GRID2: variants seen among roughly 807,000 people sequenced by gnomAD.
GRID2 encodes the protein glutamate receptor ionotropic, delta-2.
Under a neutral mutation model 114.8 loss-of-function variants are expected in GRID2, and 33 were observed. The ratio of observed to expected loss-of-function variants is 0.29; its 90% CI spans 0.22 to 0.38. The LOEUF is 0.38. GRID2 is among the 10% of genes least tolerant of loss of function. The pLI is 1.00. For synonymous variants in GRID2, 505 were observed against 449.9 expected, an observed-to-expected ratio of 1.12 and a Z score of -1.55; for missense variants, 1,184 against 1,257.7, an observed-to-expected ratio of 0.94 and a Z score of 0.89.
At chr4:92,405,390 A>G (rs1027268754) in intron 1 of GRID2, among the ~76,000 whole-genome samples, 6 of 152,172 alleles carry the variant, frequency 3.9e-5, no homozygotes, top group African/African-American at 1.4e-4. Context: ...CTGACATTCT[A>G]TTAGCGGGGA....
chr4:92,867,205 A>G (rs1465292517), intron 2 of GRID2, among the ~76,000 whole-genome samples: 1 of 152,180 alleles, frequency 6.6e-6, no homozygotes, highest in Non-Finnish European at 1.5e-5. Flanking sequence ...GCGCTGCAAT[A>G]ATTTATCCCA....
intron 14 of GRID2, among the ~76,000 whole-genome samples, chr4:93,766,388 T>A (rs1733675926): frequency 6.6e-6 from 1 of 152,146 alleles, no homozygotes; most frequent in African/African-American, 2.4e-5. Context: ...AAGCCCCTTA[T>A]AAAACCATCA....
intron 2 of GRID2, among the ~76,000 whole-genome samples, chr4:93,048,211 G>A (rs935034975): frequency 1.3e-5 from 2 of 152,052 alleles, no homozygotes; most frequent in Non-Finnish European, 2.9e-5. Context: ...GCATCTGGGT[G>A]CCAGCCAGTC....
At chr4:92,869,761 A>G (rs1745140239) in intron 2 of GRID2, among the ~76,000 whole-genome samples, 1 of 152,138 alleles carries the variant, frequency 6.6e-6, no homozygotes, top group Non-Finnish European at 1.5e-5. Context: ...TTCTCTCCCT[A>G]TAATCCTCTT....
chr4:92,958,835 TC>T (rs947992489), intron 2 of GRID2, among the ~76,000 whole-genome samples: 1 of 152,006 alleles, frequency 6.6e-6, no homozygotes, highest in African/African-American at 2.4e-5. Flanking sequence ...CATTTTTGAT[TC>T]AATTTGTTTG....
intron 8 of GRID2, among the ~76,000 whole-genome samples, chr4:93,374,072 A>T (rs1560553375): frequency 6.6e-6 from 1 of 152,166 alleles, no homozygotes; most frequent in Non-Finnish European, 1.5e-5. Context: ...TTTCCACTTA[A>T]ATGCCTAAGA....
chr4:92,759,998 G>T (rs2149344601), intron 2 of GRID2, among the ~76,000 whole-genome samples: 1 of 151,496 alleles, frequency 6.6e-6, no homozygotes, highest in East Asian at 2.0e-4. Flanking sequence ...AGTTTATACG[G>T]CACATAGCTG....
At chr4:93,399,673 A>G (rs1256231003) in intron 9 of GRID2, among the ~76,000 whole-genome samples, 1 of 152,094 alleles carries the variant, frequency 6.6e-6, no homozygotes, top group Non-Finnish European at 1.5e-5. Flanking sequence ...TACAGTGCAG[A>G]AAAAGAAAGA....
At chr4:93,123,717 C>T (rs1487251570) in intron 4 of GRID2, among the ~76,000 whole-genome samples, 1 of 152,066 alleles carries the variant, frequency 6.6e-6, no homozygotes, top group Admixed American at 6.5e-5. Flanking sequence ...AGTCTATTGG[C>T]AATGTATGAG....
At chr4:92,594,336 G>T (rs1297874471) in intron 2 of GRID2, among the ~76,000 whole-genome samples, 1 of 151,824 alleles carries the variant, frequency 6.6e-6, no homozygotes, top group African/African-American at 2.4e-5. Flanking sequence ...ATAAAGACCA[G>T]TTACATTATA....
chr4:93,334,950 A>T (rs1334256718), intron 8 of GRID2, among the ~76,000 whole-genome samples: 1 of 152,004 alleles, frequency 6.6e-6, no homozygotes, highest in East Asian at 1.9e-4. Flanking sequence ...AAAAAAAAAG[A>T]ATTTCTGGTC....
chr4:93,631,421 T>A (rs145991455), intron 14 of GRID2, among the ~76,000 whole-genome samples: 13 of 152,296 alleles, frequency 8.5e-5, no homozygotes, highest in African/African-American at 3.1e-4. Context: ...CGTGTCCAAG[T>A]GTTCTCATTG....
chr4:93,079,128 A>G (rs745689109), intron 2 of GRID2, among the ~76,000 whole-genome samples: 286 of 151,638 alleles, frequency 1.9e-3, no homozygotes, highest in Non-Finnish European at 3.7e-3. Context: ...CATTTTTTAA[A>G]CTCCAAACAA....
At chr4:93,572,380 T>G (rs1736008362) in intron 13 of GRID2, among the ~76,000 whole-genome samples, 1 of 152,116 alleles carries the variant, frequency 6.6e-6, no homozygotes, top group African/African-American at 2.4e-5. Flanking sequence ...ATGCTTTGAG[T>G]TCCATTATGA....
intron 4 of GRID2, among the ~76,000 whole-genome samples, chr4:93,171,730 T>C (rs555198777): frequency 6.4e-4 from 97 of 152,314 alleles, no homozygotes; most frequent in Non-Finnish European, 1.1e-3. Context: ...TATAGGCATA[T>C]ATTGTTATTT....
intron 2 of GRID2, among the ~76,000 whole-genome samples, chr4:92,828,781 C>T (rs1266628015): frequency 6.6e-6 from 1 of 151,976 alleles, no homozygotes; most frequent in African/African-American, 2.4e-5. Context: ...TGTTTTAGTA[C>T]ATGTTGAAAC....
intron 1 of GRID2, among the ~76,000 whole-genome samples, chr4:92,506,675 T>C (rs1329347351): frequency 6.6e-6 from 1 of 151,938 alleles, no homozygotes; most frequent in East Asian, 1.9e-4. Context: ...CTATATACGA[T>C]AATACATTTC....
intron 1 of GRID2, among the ~76,000 whole-genome samples, chr4:92,477,603 G>A (rs1275710427): frequency 1.3e-5 from 2 of 150,956 alleles, no homozygotes; most frequent in Non-Finnish European, 3.0e-5. Context: ...AATCTATTTT[G>A]GCTGCTCCTT....
chr4:92,623,483 ATATG>A (rs1014037535), intron 2 of GRID2, among the ~76,000 whole-genome samples: 13 of 151,848 alleles, frequency 8.6e-5, no homozygotes, highest in African/African-American at 2.9e-4. Flanking sequence ...ACTGAAAACT[ATATG>A]TAAGCACAGA....
Sources: allele counts gnomAD v4.1 joint callset (sites outside exome capture counted in the v4.1 genomes callset), GRCh38; gene constraint gnomAD v4.1.1; transcripts MANE v1.5; gene names NCBI Gene and HGNC (gene_info 2026-07-23, HGNC 2026-07-21).